Variants in CTNNA2 observed in about 807,000 individuals in gnomAD.
CTNNA2 encodes the protein catenin alpha 2.
In CTNNA2, 42 loss-of-function variants were observed where a neutral mutation model predicts 101.0. The ratio of observed to expected loss-of-function variants is 0.42; its 90% CI spans 0.32 to 0.54. CTNNA2 has a LOEUF of 0.54. Among genes scored for constraint, CTNNA2 ranks in the 20% least tolerant of loss-of-function variants. The pLI is 0.14. For missense variants in CTNNA2, 871 were observed against 1,223.1 expected, an observed-to-expected ratio of 0.71 and a Z score of 4.29; for synonymous variants, 450 against 456.4, an observed-to-expected ratio of 0.99 and a Z score of 0.18.
chr2:79,281,076 A>T, intron 2 of CTNNA2, among the ~76,000 whole-genome samples: 1 of 152,008 alleles, frequency 6.6e-6, no homozygotes, highest in African/African-American at 2.4e-5. Flanking sequence ...TTCACCAGCT[A>T]AAGCATCATT....
chr2:79,574,821 T>A (rs1048801261), intron 1 of CTNNA2, among the ~76,000 whole-genome samples: 1 of 152,208 alleles, frequency 6.6e-6, no homozygotes, highest in African/African-American at 2.4e-5. Flanking sequence ...TAAGCTAATT[T>A]ACATTCCCAC....
Position 80,020,473 on chromosome 2 carries a change from C to CT in CTNNA2, c.1056+110683dup, listed in dbSNP as rs34716712. 2.0e-5 allele frequency among the ~76,000 whole-genome samples: 3 copies of CT among 152,046 alleles called. No homozygotes were observed. The East Asian group carries it at 5.8e-4, about 29-fold the overall frequency. On this transcript the variant is annotated intron_variant, in intron 7 of 18. Coordinates refer to ENST00000402739, the MANE Select transcript of CTNNA2 (RefSeq NM_001282597.3). ...TCATTTTGCAAGTCCCAAAATGATG[C>CT]TTTTTTTCAGTGCACCCAGAAATGA...
chr2:79,857,297 G>A (rs1318290821), intron 3 of CTNNA2, among the ~76,000 whole-genome samples: 1 of 152,114 alleles, frequency 6.6e-6, no homozygotes, highest in Non-Finnish European at 1.5e-5. Flanking sequence ...GTCTCTTATG[G>A]CACTTAATTA....
chr2:79,214,671 G>A (rs971017666), intron 2 of CTNNA2, among the ~76,000 whole-genome samples: 3 of 152,036 alleles, frequency 2.0e-5, no homozygotes, highest in Non-Finnish European at 2.9e-5. Context: ...TAAGGTGGGG[G>A]GATACGAGAG....
chr2:80,407,400 TCCACTGATGAAA>T (rs1199899109), intron 8 of CTNNA2, among the ~76,000 whole-genome samples: 1 of 152,198 alleles, frequency 6.6e-6, no homozygotes, highest in Non-Finnish European at 1.5e-5. Flanking sequence ...AAGACTAAAA[TCCACTGATGAAA>T]CCATCTAGAA....
At chr2:79,832,936 G>C (rs1679035557) in intron 3 of CTNNA2, among the ~76,000 whole-genome samples, 1 of 152,112 alleles carries the variant, frequency 6.6e-6, no homozygotes, top group Non-Finnish European at 1.5e-5. Context: ...ACTGATTACA[G>C]TTACCCCTTT....
chr2:79,644,505 G>A (rs1680669699), intron 1 of CTNNA2, among the ~76,000 whole-genome samples: 1 of 152,202 alleles, frequency 6.6e-6, no homozygotes, highest in Admixed American at 6.5e-5. Context: ...AGGGGGCTGA[G>A]GTCACTGGGC....
At chr2:80,247,979 C>CT (rs1306596957) in intron 7 of CTNNA2, among the ~76,000 whole-genome samples, 1 of 18,770 alleles carries the variant, frequency 5.3e-5, no homozygotes, top group Non-Finnish European at 1.2e-4. Context: ...ATTCTAAAAG[C>CT]CTTTAAAATT....
At chr2:80,518,005 C>T (rs1466535797) in intron 9 of CTNNA2, among the ~76,000 whole-genome samples, 1 of 152,154 alleles carries the variant, frequency 6.6e-6, no homozygotes, top group Non-Finnish European at 1.5e-5. Flanking sequence ...AGGTGACGGG[C>T]AGTAAATGCA....
At chr2:79,213,972 T>G (rs1032330038) in intron 2 of CTNNA2, among the ~76,000 whole-genome samples, 2 of 152,272 alleles carry the variant, frequency 1.3e-5, no homozygotes, top group Non-Finnish European at 2.9e-5. Context: ...AAGGTCAAGT[T>G]GTTTGGACAG....
rs184883109 is a variant in CTNNA2, at chr2:79,692,004, A to G, written c.102+40346A>G. 8.5e-3 allele frequency among the ~76,000 whole-genome samples: 1,291 copies of G among 152,294 alleles called. 7 individuals are homozygous for G. Among genetic ancestry groups the G allele is most frequent in the Middle Eastern group, 0.017 (5 of 294 alleles). On this transcript the variant is annotated intron_variant, in intron 2 of 18. Transcript: ENST00000402739. ...TAAAGCACCAAAAGCAATGGCAACA[A>G]AAGGCAAAATTGACAAATGGGATCT...
chr2:80,544,963 A>G lies in CTNNA2; in HGVS notation c.1291-19A>G. The G allele has an allele frequency of 1.2e-6, 2 of 1,610,136 alleles. No homozygotes were observed. The highest frequency in any genetic ancestry group is 1.7e-6 in the Non-Finnish European group (2 of 1,177,114). On this transcript the variant is annotated intron_variant, in intron 9 of 18. Transcript: ENST00000402739. ...CCTTTGCCCCAACCTAATATTCACTAAAATCCTCTTCAATACAGGTTGCCA... is the reference window on the plus strand; with the variant it reads ...CCTTTGCCCCAACCTAATATTCACTGAAATCCTCTTCAATACAGGTTGCCA...
intron 7 of CTNNA2, among the ~76,000 whole-genome samples, chr2:80,227,569 A>G (rs1020489466): frequency 2.0e-5 from 3 of 152,286 alleles, no homozygotes; most frequent in Non-Finnish European, 4.4e-5. Context: ...GACTTTGCTG[A>G]TGGCTCTTTC....
intron 4 of CTNNA2, among the ~76,000 whole-genome samples, chr2:79,393,273 G>A (rs1678194078): frequency 6.6e-6 from 1 of 152,198 alleles, no homozygotes; most frequent in East Asian, 1.9e-4. Flanking sequence ...GGATTTACAT[G>A]TTGGTCCTCT....
chr2:80,193,671 G>A (rs1314026851), intron 7 of CTNNA2, among the ~76,000 whole-genome samples: 1 of 152,134 alleles, frequency 6.6e-6, no homozygotes, highest in Non-Finnish European at 1.5e-5. Context: ...TCTGGGTCTT[G>A]GGTTTTCTCA....
intron 7 of CTNNA2, among the ~76,000 whole-genome samples, chr2:79,916,302 A>C (rs540080554): frequency 6.6e-6 from 1 of 152,262 alleles, no homozygotes; most frequent in Non-Finnish European, 1.5e-5. Context: ...TGGTAGCTTC[A>C]TTCAAGGGGA....
chr2:80,171,203 C>A (rs537541403), intron 7 of CTNNA2, among the ~76,000 whole-genome samples: 61 of 152,232 alleles, frequency 4.0e-4, no homozygotes, highest in African/African-American at 1.4e-3. Context: ...AGACAAGAGC[C>A]CATCTCAGTT....
rs1186544552 is a variant in CTNNA2, at chr2:80,006,188, G to A, written c.1056+96391G>A. ...TGTTTGATTTTGAAGAGACAAATAT[G>A]TTTTAACATGGAACTTGGGTGTTTC... On this transcript the variant is annotated intron_variant, in intron 7 of 18. Coordinates refer to ENST00000402739, the MANE Select transcript of CTNNA2 (RefSeq NM_001282597.3). Among the ~76,000 whole-genome samples, 4 of 152,104 alleles carry A rather than the reference G, an allele frequency of 2.6e-5. No individual in the cohort carries two copies. In the East Asian group the frequency reaches 5.8e-4, roughly 22 times the overall value.
chr2:80,378,033 A>G (rs139274762), intron 7 of CTNNA2, among the ~76,000 whole-genome samples: 1 of 152,170 alleles, frequency 6.6e-6, no homozygotes, highest in Non-Finnish European at 1.5e-5. Flanking sequence ...TTTAAACTCT[A>G]TCTACTGGGA....
Sources: gnomAD v4.1 joint callset for allele counts (sites outside exome capture counted in the v4.1 genomes callset) on GRCh38, gnomAD v4.1.1 for gene constraint, MANE v1.5 for transcripts, NCBI Gene and HGNC (gene_info 2026-07-23, HGNC 2026-07-21) for gene names.